SRGAP1: variants seen among roughly 807,000 people sequenced by gnomAD.
The protein encoded by SRGAP1 is SLIT-ROBO Rho GTPase-activating protein 1.
A neutral mutation model predicts 121.9 loss-of-function variants in SRGAP1; 43 were observed. That is an observed-to-expected ratio of 0.35 (90% CI 0.28 to 0.46). The LOEUF is 0.46. Ranked by LOEUF, SRGAP1 falls within the 20% of genes least tolerant of loss-of-function variation. The probability of loss-of-function intolerance (pLI) is 1.00; values close to 1 mark genes in which losing one functional copy is unlikely to be tolerated. For synonymous variants in SRGAP1, 447 were observed against 485.4 expected (o/e 0.92, Z 1.04); for missense variants, 1,102 against 1,350.9 (o/e 0.82, Z 2.89).
intron 3 of SRGAP1, among the ~76,000 whole-genome samples, chr12:64,015,242 A>G (rs567194118): frequency 5.3e-5 from 8 of 152,324 alleles, no homozygotes; most frequent in African/African-American, 1.9e-4. Flanking sequence ...TGATATTAAA[A>G]TAACACCAAA....
At chr12:63,994,338 CCCTT>C (rs1336252818) in intron 3 of SRGAP1, among the ~76,000 whole-genome samples, 3 of 152,138 alleles carry the variant, frequency 2.0e-5, no homozygotes, top group Middle Eastern at 3.4e-3. Context: ...ATGTGAAAAA[CCCTT>C]CCAGAGAATC....
At chr12:64,071,870 A>AC (rs1286235144) in intron 8 of SRGAP1, among the ~76,000 whole-genome samples, 1,379 of 125,736 alleles carry the variant, frequency 0.011, 8 homozygotes, top group African/African-American at 0.017. Context: ...CCCTACCCTC[A>AC]CCCCCCCCCA....
At chr12:64,041,343 C>A (rs1345782963) in intron 4 of SRGAP1, among the ~76,000 whole-genome samples, 5 of 151,258 alleles carry the variant, frequency 3.3e-5, no homozygotes. Flanking sequence ...AGAGAGAAAT[C>A]ATATATGGCA....
At chr12:64,037,485 C>A (rs1593066547) in intron 4 of SRGAP1, among the ~76,000 whole-genome samples, 2 of 152,204 alleles carry the variant, frequency 1.3e-5, no homozygotes, top group Admixed American at 6.5e-5. Context: ...CTGCTTTGAC[C>A]ATACTGTCTG....
intron 8 of SRGAP1, among the ~76,000 whole-genome samples, chr12:64,066,281 CT>C (rs2035539226): frequency 6.6e-6 from 1 of 152,192 alleles, no homozygotes; most frequent in Non-Finnish European, 1.5e-5. Context: ...GCATTCTTGT[CT>C]CTGAAGTAGG....
chr12:63,930,815 A>G (rs1367954262), intron 1 of SRGAP1, among the ~76,000 whole-genome samples: 1 of 152,176 alleles, frequency 6.6e-6, no homozygotes, highest in Non-Finnish European at 1.5e-5. Flanking sequence ...AGACTAATAG[A>G]CACTTTTGGT....
rs149351736 is a variant in SRGAP1, at chr12:63,938,120, C to A, written c.68-45827C>A. 4.8e-3 allele frequency among the ~76,000 whole-genome samples: 734 copies of A among 152,298 alleles called. 2 individuals are homozygous for A. The highest frequency in any genetic ancestry group is 0.01 in the Middle Eastern group (3 of 294). The stretch of plus-strand genomic sequence containing the variant: ...TGAGCATCCAAAGCTGGTCATGTGG[C>A]CAGAGAAGAAAGGGCCCAGGGCAAG... On this transcript the variant is annotated intron_variant, in intron 1 of 21. Transcript: ENST00000355086.
chr12:64,091,278 C>A lies in SRGAP1; in HGVS notation c.1439C>A (p.Pro480His). 1 of 1,587,652 alleles carries A rather than the reference C, an allele frequency of 6.3e-7. No individual in the cohort carries two copies. The highest frequency in any genetic ancestry group is 8.6e-7 in the Non-Finnish European group (1 of 1,163,060). The stretch of plus-strand genomic sequence containing the variant: ...GTAATTATATTCCCTTCCCTTAGGC[C>A]TCCAAATGTTCCCCCTAAGCCCCAG... ...GHRAEYMTTR[P>H]PNVPPKPQKH... Residue 480 changes from proline (P) to histidine (H), a missense_variant and splice_region_variant, in exon 12 of 22, where the codon CCT becomes CAT. By Grantham distance (77) the Pro-to-His change is moderately conservative. Around this residue, in one of 3 missense-constraint regions of SRGAP1, gnomAD observed 747 missense variants for 929.4 expected, o/e 0.80. Coordinates refer to ENST00000355086, the MANE Select transcript of SRGAP1 (RefSeq NM_020762.4).
chr12:64,121,890 A>G (rs2036611205), intron 18 of SRGAP1, among the ~76,000 whole-genome samples: 1 of 152,156 alleles, frequency 6.6e-6, no homozygotes, highest in Non-Finnish European at 1.5e-5. Flanking sequence ...CCCGCAGCCA[A>G]CCTCCAAAAT....
At chr12:63,954,828 A>T (rs1389179656) in intron 1 of SRGAP1, among the ~76,000 whole-genome samples, 2 of 152,104 alleles carry the variant, frequency 1.3e-5, no homozygotes, top group African/African-American at 4.8e-5. Flanking sequence ...ATCGTTTTGG[A>T]AACTTGGTTT....
intron 1 of SRGAP1, among the ~76,000 whole-genome samples, chr12:63,966,711 A>G (rs889522788): frequency 6.6e-5 from 10 of 152,152 alleles, no homozygotes; most frequent in African/African-American, 2.4e-4. Flanking sequence ...AACAAGGGGT[A>G]GAGGTAACAT....
At chr12:63,988,946 G>T (rs1210516390) in intron 2 of SRGAP1, among the ~76,000 whole-genome samples, 1 of 152,084 alleles carries the variant, frequency 6.6e-6, no homozygotes, top group African/African-American at 2.4e-5. Flanking sequence ...AAGTAGCTGG[G>T]ATTACACGTG....
chr12:63,897,557 T>C (rs2136302784), intron 1 of SRGAP1, among the ~76,000 whole-genome samples: 1 of 152,310 alleles, frequency 6.6e-6, no homozygotes, highest in East Asian at 1.9e-4. Flanking sequence ...CAGTTAGCCT[T>C]CTATTTAGGC....
At chr12:64,090,523 C>T (rs904077560) in intron 11 of SRGAP1, among the ~76,000 whole-genome samples, 16 of 152,260 alleles carry the variant, frequency 1.1e-4, no homozygotes, top group Admixed American at 3.3e-4. Flanking sequence ...GGAGGGGTAT[C>T]GAACAGATGT....
intron 21 of SRGAP1, among the ~76,000 whole-genome samples, chr12:64,138,744 C>G (rs1425770361): frequency 6.6e-6 from 1 of 151,982 alleles, no homozygotes; most frequent in African/African-American, 2.4e-5. Context: ...TAATTACTGA[C>G]TACACTAGAA....
At chr12:64,024,837 T>G (rs2034619025) in intron 4 of SRGAP1, among the ~76,000 whole-genome samples, 1 of 151,942 alleles carries the variant, frequency 6.6e-6, no homozygotes. Context: ...AACCACCAGA[T>G]CTCCTGAGAA....
At chr12:64,014,175 T>C (rs1044233729) in intron 3 of SRGAP1, among the ~76,000 whole-genome samples, 3 of 152,214 alleles carry the variant, frequency 2.0e-5, no homozygotes, top group Non-Finnish European at 4.4e-5. Flanking sequence ...AACTGAGGCA[T>C]AGGCAGATCC....
chr12:64,138,423 T>C (rs1366437096), intron 21 of SRGAP1, among the ~76,000 whole-genome samples: 5 of 151,366 alleles, frequency 3.3e-5, no homozygotes, highest in African/African-American at 1.2e-4. Flanking sequence ...ACTTCCCCCC[T>C]TTTACTATCT....
chr12:63,955,341 A>T (rs1425781159), intron 1 of SRGAP1, among the ~76,000 whole-genome samples: 1 of 152,230 alleles, frequency 6.6e-6, no homozygotes, highest in African/African-American at 2.4e-5. Flanking sequence ...AAATAAAAAT[A>T]AAAACTGCAT....
Sources: gnomAD v4.1 joint callset for allele counts (sites outside exome capture counted in the v4.1 genomes callset) on GRCh38, gnomAD v4.1.1 for gene constraint, gnomAD v4.1.1 regional missense constraint, MANE v1.5 for transcripts, NCBI Gene and HGNC (gene_info 2026-07-23, HGNC 2026-07-21) for gene names.